Variants in RNF13 observed in about 807,000 individuals in gnomAD.
RNF13 encodes the protein ring finger protein 13.
A neutral mutation model predicts 37.7 loss-of-function variants in RNF13; 19 were observed. That is an observed-to-expected ratio of 0.50 (90% CI 0.35 to 0.74). RNF13 has a LOEUF of 0.74. Among genes scored for constraint, RNF13 ranks in the 30% least tolerant of loss-of-function variants. RNF13 has a pLI of 0.01. For missense variants in RNF13, 375 were observed against 453.0 expected, an observed-to-expected ratio of 0.83 and a Z score of 1.56; for synonymous variants, 144 against 157.8, an observed-to-expected ratio of 0.91 and a Z score of 0.65.
chr3:149,920,688 G>A (rs1718027607), intron 7 of RNF13, among the ~76,000 whole-genome samples: 1 of 151,740 alleles, frequency 6.6e-6, no homozygotes, highest in African/African-American at 2.4e-5. Flanking sequence ...TTGTAGTGAA[G>A]GTGTTCTGCA....
rs745458400 is a variant in RNF13 at position 149,885,667 on chromosome 3, TC to T, written c.322-9804del. On this transcript the variant is annotated intron_variant, in intron 4 of 9. Coordinates refer to ENST00000392894, the MANE Select transcript of RNF13 (RefSeq NM_183381.3). ...AGATGGGTAGTTTGCAGATATTTTC[TC>T]CTAATCTGTAGGTTGTCTCTTTACT... Among the ~76,000 whole-genome samples the T allele has an allele frequency of 1.2e-4, 19 of 152,360 alleles. No individual in the cohort carries two copies. In the East Asian group the frequency reaches 1.7e-3, roughly 14 times the overall value.
chr3:149,841,084 A>C (rs1722134896), intron 1 of RNF13, among the ~76,000 whole-genome samples: 1 of 152,284 alleles, frequency 6.6e-6, no homozygotes, highest in African/African-American at 2.4e-5. Context: ...TTTTGTAATA[A>C]GCTTTTTTAG....
At chr3:149,960,270 C>G in intron 9 of RNF13, 134 bp downstream of exon 9, 1 of 631,888 alleles carries the variant, frequency 1.6e-6, no homozygotes, top group South Asian at 2.0e-5. Context: ...TGGTCTCATT[C>G]AAGGATGGAG....
At chr3:149,910,134 T>C (rs1201797104) in intron 6 of RNF13, among the ~76,000 whole-genome samples, 1 of 152,118 alleles carries the variant, frequency 6.6e-6, no homozygotes, top group African/African-American at 2.4e-5. Flanking sequence ...GGAAAGGCTC[T>C]TATACTTAAA....
chr3:149,922,198 T>TC (rs1049159583), intron 8 of RNF13, among the ~76,000 whole-genome samples: 1 of 152,198 alleles, frequency 6.6e-6, no homozygotes, highest in Non-Finnish European at 1.5e-5. Flanking sequence ...GGTCTTGGAC[T>TC]CCTGACCTTG....
intron 8 of RNF13, among the ~76,000 whole-genome samples, chr3:149,933,278 A>T (rs6781658): frequency 0.86 from 123,834 of 144,732 alleles, 52,289 homozygotes; most frequent in East Asian, 0.9. Context: ...TTTTTTTTTT[A>T]AATTGTCTTG....
At position 149,846,004 on chromosome 3, in the gene RNF13, C is replaced by T. The variant is rs1722606446; in HGVS notation, c.-16-7C>T. On this transcript the variant is annotated splice_polypyrimidine_tract_variant and splice_region_variant and intron_variant, in intron 1 of 9. Transcript: ENST00000392894. ...AGCTCTCAGTTACTCACATCCTTGT[C>T]TTCCAGGTGATTTTACAACGAGATG... 1 of 1,506,210 alleles carries T rather than the reference C, an allele frequency of 6.6e-7. No homozygotes were observed. 93.3% of individuals were successfully genotyped at this position (1,506,210 alleles called of 1,614,324 possible). A position where few individuals can be genotyped will look rare whatever the true frequency, so the allele number is the denominator to read the frequency against.
intron 1 of RNF13, among the ~76,000 whole-genome samples, chr3:149,840,779 T>C (rs773713246): frequency 6.6e-5 from 10 of 152,282 alleles, no homozygotes; most frequent in Middle Eastern, 3.4e-3. Context: ...TTCACTAGCT[T>C]GGTAGGAGGT....
At position 149,834,024 on chromosome 3, in the gene RNF13, A is replaced by G. The variant is rs566495362; in HGVS notation, c.-16-11987A>G. ...TTAAGAAAACAATTCCATTTACAAT[A>G]TCAACAAAAATAAAATAGTAATAAA... On this transcript the variant is annotated intron_variant, in intron 1 of 9. Coordinates refer to ENST00000392894, the MANE Select transcript of RNF13 (RefSeq NM_183381.3). 2.0e-5 allele frequency among the ~76,000 whole-genome samples: 3 copies of G among 152,358 alleles called. No individual in the cohort carries two copies. In the South Asian group the frequency reaches 6.2e-4, roughly 32 times the overall value.
rs923332463 is a variant in RNF13 at position 149,852,427 on chromosome 3, A to G, written c.115-89A>G. 1.3e-5 allele frequency: 7 copies of G among 533,554 alleles called. No homozygotes were observed. The African/African-American group carries it at 1.4e-4, about 11-fold the overall frequency. The allele number at this position is 533,554 out of a possible 1,614,324, so 33.1% of individuals were successfully genotyped here. On this transcript the variant is annotated intron_variant, in intron 2 of 9. Coordinates refer to ENST00000392894, the MANE Select transcript of RNF13 (RefSeq NM_183381.3). ...TGTGATAGTAATCAGAATTGTCAAA[A>G]TAATAATTATACATAATTAAATAAG... is the stretch of plus-strand genomic sequence containing the variant.
chr3:149,886,780 G>T (rs150707051), intron 4 of RNF13, among the ~76,000 whole-genome samples: 10 of 152,054 alleles, frequency 6.6e-5, no homozygotes, highest in Non-Finnish European at 2.9e-5. Context: ...ATTTCTGTTC[G>T]TTGAGTACTT....
chr3:149,907,053 T>A (rs964183851), intron 6 of RNF13, among the ~76,000 whole-genome samples: 4 of 152,336 alleles, frequency 2.6e-5, no homozygotes, highest in African/African-American at 9.6e-5. Flanking sequence ...TTGTTTGCTA[T>A]CATAAGTGGA....
At chr3:149,860,141 C>T (rs1724066979) in intron 3 of RNF13, among the ~76,000 whole-genome samples, 1 of 151,078 alleles carries the variant, frequency 6.6e-6, no homozygotes, top group South Asian at 2.1e-4. Context: ...TGGTGGGCAC[C>T]TGTAGTCCCA....
At chr3:149,921,390 T>G (rs1426338376) in intron 8 of RNF13, among the ~76,000 whole-genome samples, 163 bp downstream of exon 8, 1 of 152,168 alleles carries the variant, frequency 6.6e-6, no homozygotes, top group Non-Finnish European at 1.5e-5. Flanking sequence ...CCATGTTGGT[T>G]TGCTGCACCC....
chr3:149,851,704 C>G (rs574547006), intron 2 of RNF13: 2 of 152,162 alleles, frequency 1.3e-5, no homozygotes, highest in African/African-American at 4.8e-5. Flanking sequence ...ACTTGTGTTT[C>G]AAAAGTTACT....
Position 149,961,028 on chromosome 3 carries a change from A to C in RNF13, c.1070A>C (p.Glu357Ala). ...ACTGACAGTAGTGATGCAGAAAATG[A>C]AATTAATGAACATGATGTCGTGGTC... is the stretch of plus-strand genomic sequence containing the variant. ...EDTDSSDAEN[E>A]INEHDVVVQL... Residue 357 changes from glutamate (E) to alanine (A), a missense_variant, in exon 10 of 10, where the codon GAA becomes GCA. Glu to Ala is a moderately radical substitution (Grantham distance 107). Transcript: ENST00000392894. 1 of 1,614,224 alleles carries C rather than the reference A, an allele frequency of 6.2e-7. No homozygotes were observed. Among genetic ancestry groups the C allele is most frequent in the Non-Finnish European group, 8.5e-7 (1 of 1,180,028 alleles).
At chr3:149,822,236 G>A (rs1261393998) in intron 1 of RNF13, among the ~76,000 whole-genome samples, 1 of 152,130 alleles carries the variant, frequency 6.6e-6, no homozygotes, top group African/African-American at 2.4e-5. Context: ...GCTTTGGGTA[G>A]TATTGCCATC....
At chr3:149,928,878 T>A (rs568896705) in intron 8 of RNF13, among the ~76,000 whole-genome samples, 1 of 152,298 alleles carries the variant, frequency 6.6e-6, no homozygotes, top group Admixed American at 6.5e-5. Context: ...ATTTTCAGTC[T>A]ATAAGTCTTT....
At position 149,872,131 on chromosome 3, in the gene RNF13, C is replaced by T. The variant is rs775761047; in HGVS notation, c.298C>T (p.Leu100Phe). Reference protein sequence around the residue: ...SGTFIVLIRRLDCNFDIKVLN... With the variant: ...SGTFIVLIRRFDCNFDIKVLN... ...CACTTTCATCGTGTTAATTAGAAGACTTGATTGTAATTTTGATATAAAGGT... is the reference window on the plus strand; with the variant it reads ...CACTTTCATCGTGTTAATTAGAAGATTTGATTGTAATTTTGATATAAAGGT... The change falls in exon 4 of 10, where the codon CTT becomes TTT. Residue 100 changes from leucine (L) to phenylalanine (F), a missense_variant. Physicochemically the swap from Leu to Phe is conservative, Grantham distance 22 (BLOSUM62 0). Coordinates refer to ENST00000392894, the MANE Select transcript of RNF13 (RefSeq NM_183381.3). The T allele has an allele frequency of 2.4e-5, 38 of 1,580,548 alleles. No individual in the cohort carries two copies. Among genetic ancestry groups the T allele is most frequent in the Admixed American group, 5.5e-5 (3 of 55,008 alleles).
Sources: gnomAD v4.1 joint callset for allele counts (sites outside exome capture counted in the v4.1 genomes callset) on GRCh38, gnomAD v4.1.1 for gene constraint, MANE v1.5 for transcripts, NCBI Gene and HGNC (gene_info 2026-07-23, HGNC 2026-07-21) for gene names.